Variants in CLNK observed in about 807,000 individuals in gnomAD.
CLNK encodes the protein cytokine-dependent hematopoietic cell linker.
CLNK carries 74 observed loss-of-function variants against 68.6 expected under a neutral mutation model. The ratio of observed to expected loss-of-function variants is 1.08; its 90% CI spans 0.89 to 1.31. The LOEUF (loss-of-function observed/expected upper bound fraction) is 1.31, where lower values mean the gene tolerates loss of function less well. Among genes scored for constraint, CLNK ranks in the 50% most tolerant of loss-of-function variants. The pLI is 0.00. For missense variants in CLNK, 553 were observed against 515.3 expected (o/e 1.07, Z -0.71); for synonymous variants, 198 against 172.2 (o/e 1.15, Z -1.17).
chr4:10,624,087 G>A (rs1483395005), intron 2 of CLNK, among the ~76,000 whole-genome samples: 2 of 152,212 alleles, frequency 1.3e-5, no homozygotes, highest in African/African-American at 2.4e-5. Context: ...CCATCTCTAG[G>A]TGGAAAAGCA....
chr4:10,622,349 C>G (rs1043395622), intron 2 of CLNK, among the ~76,000 whole-genome samples: 1 of 152,166 alleles, frequency 6.6e-6, no homozygotes, highest in Non-Finnish European at 1.5e-5. Flanking sequence ...TTTCTCCAGA[C>G]AAGTATGTCA....
rs747411518 is a variant in CLNK, at chr4:10,558,398, T to A, written c.445+9A>T. 7 of 1,613,222 alleles carry A rather than the reference T, an allele frequency of 4.3e-6. No homozygotes were observed. The African/African-American group carries it at 8.0e-5, about 18-fold the overall frequency. On this transcript the variant is annotated intron_variant, in intron 8 of 18. Transcript: ENST00000226951. The stretch of plus-strand genomic sequence containing the variant: ...CTTACATTTTAAACTTCGATTAACA[T>A]GACTTTACCTTTAATGTTTTGGCTT...
the CLNK span, among the ~76,000 whole-genome samples, chr4:10,693,106 C>G: frequency 3.9e-5 from 6 of 152,262 alleles, no homozygotes; most frequent in African/African-American, 1.2e-4. Flanking sequence ...GCTGGACTTG[C>G]AAGATAGCTG....
chr4:10,723,667 T>A, the CLNK span, among the ~76,000 whole-genome samples: 1 of 152,300 alleles, frequency 6.6e-6, no homozygotes, highest in Non-Finnish European at 1.5e-5. Context: ...ATTGAGACCC[T>A]TGTGCGGTAA....
intron 1 of CLNK, among the ~76,000 whole-genome samples, chr4:10,668,614 A>G (rs1724502543): frequency 6.6e-6 from 1 of 152,186 alleles, no homozygotes. Context: ...GGTAGAAGGA[A>G]TCCACAGAAG....
At chr4:10,579,960 G>A (rs1164858859) in intron 4 of CLNK, among the ~76,000 whole-genome samples, 1 of 152,168 alleles carries the variant, frequency 6.6e-6, no homozygotes, top group East Asian at 1.9e-4. Flanking sequence ...CCTCCTATAA[G>A]CAACCACTTT....
intron 2 of CLNK, 128 bp downstream of exon 2, chr4:10,667,731 C>T: frequency 3.3e-6 from 1 of 301,894 alleles, no homozygotes; most frequent in Non-Finnish European, 5.1e-6. Context: ...TCAACCATGG[C>T]CTCTCAGGAA....
intron 14 of CLNK, among the ~76,000 whole-genome samples, chr4:10,522,587 A>AAG (rs1553846648): frequency 2.1e-4 from 32 of 151,498 alleles, no homozygotes; most frequent in African/African-American, 7.3e-4. Context: ...AAAAAAAAAA[A>AAG]AAAGAAAGAA....
intron 2 of CLNK, among the ~76,000 whole-genome samples, chr4:10,619,987 A>T (rs1335329874): frequency 1.3e-5 from 2 of 152,194 alleles, no homozygotes; most frequent in Non-Finnish European, 1.5e-5. Context: ...AGGGAACCTC[A>T]ATCACCAACC....
rs369240819 is a variant in CLNK at position 10,525,850 on chromosome 4, G to T, written c.722C>A (p.Ala241Asp). Reference sequence around the variant, plus strand: ...ATTCCTGGCTCCTTACCTGCTAATGGCAAGTGGAATCTCTTGAGTATTTTG... The same window carrying T: ...ATTCCTGGCTCCTTACCTGCTAATGTCAAGTGGAATCTCTTGAGTATTTTG... ...ENQNTQEIPL[A>D]ISSSSFTTSN... Residue 241 changes from alanine (A) to aspartate (D), a missense_variant, in exon 14 of 19, where the codon GCC becomes GAC. By Grantham distance (126) the Ala-to-Asp change is moderately radical. Transcript: ENST00000226951. The T allele has an allele frequency of 7.6e-6, 12 of 1,578,746 alleles. No homozygotes were observed. The highest frequency in any genetic ancestry group is 1.8e-5 in the Admixed American group (1 of 55,458).
intron 1 of CLNK, among the ~76,000 whole-genome samples, chr4:10,675,599 GA>G (rs1021450981): frequency 2.0e-5 from 3 of 151,874 alleles, no homozygotes; most frequent in South Asian, 4.1e-4. Flanking sequence ...ATTTCATGAA[GA>G]AAAAAATGCT....
chr4:10,594,781 C>T (rs554823230), intron 3 of CLNK, among the ~76,000 whole-genome samples: 1 of 152,230 alleles, frequency 6.6e-6, no homozygotes, highest in South Asian at 2.1e-4. Context: ...TATACATATA[C>T]ATAAGAAAGT....
intron 11 of CLNK, among the ~76,000 whole-genome samples, chr4:10,536,473 C>T (rs921116737): frequency 6.6e-6 from 1 of 152,192 alleles, no homozygotes; most frequent in Admixed American, 6.5e-5. Flanking sequence ...TGTCATTTAT[C>T]GTGGTATCCC....
At chr4:10,591,581 A>G (rs763677) in intron 3 of CLNK, among the ~76,000 whole-genome samples, 1 of 152,068 alleles carries the variant, frequency 6.6e-6, no homozygotes, top group Non-Finnish European at 1.5e-5. Flanking sequence ...GGGCATCCCA[A>G]AGTGAGACGG....
chr4:10,668,568 A>G (rs1724499696), intron 1 of CLNK, among the ~76,000 whole-genome samples: 1 of 152,190 alleles, frequency 6.6e-6, no homozygotes, highest in African/African-American at 2.4e-5. Context: ...ATTTGAGAAC[A>G]GCTTAATAAA....
At chr4:10,638,302 G>A (rs890662155) in intron 2 of CLNK, among the ~76,000 whole-genome samples, 3 of 152,192 alleles carry the variant, frequency 2.0e-5, no homozygotes, top group Non-Finnish European at 4.4e-5. Flanking sequence ...GTAATAAATT[G>A]TGTGCATCCA....
At chr4:10,568,611 T>C (rs1035549779) in intron 5 of CLNK, among the ~76,000 whole-genome samples, 1 of 152,076 alleles carries the variant, frequency 6.6e-6, no homozygotes, top group Non-Finnish European at 1.5e-5. Flanking sequence ...ACAATTTAGA[T>C]AGAGGAGTCC....
At chr4:10,606,481 A>C (rs1336033713) in intron 2 of CLNK, among the ~76,000 whole-genome samples, 1 of 152,184 alleles carries the variant, frequency 6.6e-6, no homozygotes, top group Admixed American at 6.5e-5. Context: ...ATAACAATAA[A>C]AAGTATAGTC....
At chr4:10,668,245 C>G (rs1371923021) in intron 1 of CLNK, among the ~76,000 whole-genome samples, 3 of 152,186 alleles carry the variant, frequency 2.0e-5, no homozygotes, top group Admixed American at 2.0e-4. Context: ...TTGGCTGGCT[C>G]TCCTCTGAGC....
Sources: gnomAD v4.1 joint callset for allele counts (sites outside exome capture counted in the v4.1 genomes callset) on GRCh38, gnomAD v4.1.1 for gene constraint, MANE v1.5 for transcripts, NCBI Gene and HGNC (gene_info 2026-07-23, HGNC 2026-07-21) for gene names.